NEDD4: variants seen among roughly 807,000 people sequenced by gnomAD.
NEDD4 encodes the protein NEDD4 E3 ubiquitin protein ligase.
Under a neutral mutation model 144.9 loss-of-function variants are expected in NEDD4, and 99 were observed. The ratio of observed to expected loss-of-function variants is 0.68; its 90% CI spans 0.58 to 0.81. NEDD4 has a LOEUF of 0.81. Among genes scored for constraint, NEDD4 ranks in the 30% least tolerant of loss-of-function variants. The probability of loss-of-function intolerance (pLI) is 0.00; values close to 1 mark genes in which losing one functional copy is unlikely to be tolerated. For synonymous variants in NEDD4, 318 were observed against 350.6 expected (o/e 0.91, Z 1.04); for missense variants, 985 against 1,065.9 (o/e 0.92, Z 1.06).
At chr15:55,920,517 A>G (rs2036550270) in intron 5 of NEDD4, among the ~76,000 whole-genome samples, 1 of 152,188 alleles carries the variant, frequency 6.6e-6, no homozygotes, top group Non-Finnish European at 1.5e-5. Flanking sequence ...TGAAACGACA[A>G]TATTTTATAA....
chr15:55,896,909 G>A (rs1294502748), intron 5 of NEDD4, among the ~76,000 whole-genome samples: 2 of 151,382 alleles, frequency 1.3e-5, no homozygotes, highest in African/African-American at 4.9e-5. Flanking sequence ...TATTAAACAT[G>A]ATAATTTATA....
intron 1 of NEDD4, among the ~76,000 whole-genome samples, chr15:55,971,128 T>G (rs1405193018): frequency 6.6e-6 from 1 of 152,112 alleles, no homozygotes; most frequent in Non-Finnish European, 1.5e-5. Context: ...CAAGCAGAAT[T>G]CTGAAGTTGA....
chr15:55,927,863 T>TA (rs1207717018), intron 4 of NEDD4, among the ~76,000 whole-genome samples: 1 of 152,196 alleles, frequency 6.6e-6, no homozygotes, highest in East Asian at 1.9e-4. Flanking sequence ...GAGACAGGGC[T>TA]ATAGAAACCA....
chr15:55,872,802 C>T (rs960540279), intron 6 of NEDD4, among the ~76,000 whole-genome samples: 1 of 151,892 alleles, frequency 6.6e-6, no homozygotes, highest in East Asian at 1.9e-4. Context: ...CACATGTCTG[C>T]AGGCTGGCTT....
At chr15:55,890,670 G>A (rs1270738448) in intron 5 of NEDD4, among the ~76,000 whole-genome samples, 2 of 152,140 alleles carry the variant, frequency 1.3e-5, no homozygotes, top group African/African-American at 4.8e-5. Context: ...ACGAACATAT[G>A]TTTTCATTTC....
intron 2 of NEDD4, among the ~76,000 whole-genome samples, chr15:55,959,052 C>G (rs184025817): frequency 4.6e-5 from 7 of 150,784 alleles, no homozygotes; most frequent in Admixed American, 1.3e-4. Context: ...TTTCTTCCCT[C>G]TACTTATTTT....
chr15:55,932,137 C>A (rs1334172390), intron 4 of NEDD4, among the ~76,000 whole-genome samples: 1 of 152,066 alleles, frequency 6.6e-6, no homozygotes, highest in Admixed American at 6.5e-5. Flanking sequence ...ATCATGGGGG[C>A]GGTTACCTGC....
At position 55,836,138 on chromosome 15, in the gene NEDD4, T is replaced by C. The variant is rs1350074288; in HGVS notation, c.2262+1651A>G. Among the ~76,000 whole-genome samples, 7 of 152,292 alleles carry C rather than the reference T, an allele frequency of 4.6e-5. No individual in the cohort carries two copies. The East Asian group carries it at 1.4e-3, about 29-fold the overall frequency. ...CTTCTCCATGGTTGGCCAATCCCTC[T>C]AGTCCTTCTTTGTCCCTTCCTTTGC... On this transcript the variant is annotated intron_variant, in intron 24 of 28. Coordinates refer to ENST00000435532, the MANE Select transcript of NEDD4 (RefSeq NM_006154.4).
intron 11 of NEDD4, among the ~76,000 whole-genome samples, chr15:55,860,045 C>T (rs1415633487): frequency 6.6e-6 from 1 of 152,182 alleles, no homozygotes; most frequent in Admixed American, 6.5e-5. Flanking sequence ...TCTTCAAAAT[C>T]ACCTAACAGG....
rs56285555 is a variant in NEDD4, at chr15:55,974,891, C to CTTTT, written c.46-8349_46-8346dup. On this transcript the variant is annotated intron_variant, in intron 1 of 28. Coordinates refer to ENST00000435532, the MANE Select transcript of NEDD4 (RefSeq NM_006154.4). ...TAAGGATGTCCATTTCTTTTCCTTT[C>CTTTT]TTTTTTTTTTTTTTTTTTTTTGAGA... 3.6e-3 allele frequency among the ~76,000 whole-genome samples: 269 copies of CTTTT among 75,676 alleles called. 11 individuals are homozygous for CTTTT. The highest frequency in any genetic ancestry group is 3.7e-3 in the East Asian group (9 of 2,402). The allele number at this position is 75,676 out of a possible 152,430, so 49.6% of individuals were successfully genotyped here.
intron 5 of NEDD4, among the ~76,000 whole-genome samples, chr15:55,898,716 A>C (rs766127640): frequency 6.6e-6 from 1 of 150,624 alleles, no homozygotes; most frequent in Non-Finnish European, 1.5e-5. Context: ...GCTCAATGCA[A>C]CTTGGACTCC....
Position 55,840,019 on chromosome 15 carries a change from T to A in NEDD4, c.2031+428A>T, listed in dbSNP as rs1220062745. Among the ~76,000 whole-genome samples, 244 of 45,360 alleles carry A rather than the reference T, an allele frequency of 5.4e-3. 2 individuals carry two copies. The highest frequency in any genetic ancestry group is 0.017 in the Middle Eastern group (1 of 58). 29.8% of individuals were successfully genotyped at this position (45,360 alleles called of 152,430 possible). ...AAAAAAATATATATATATATATATATATATATATATATATATATATATAAC... is the reference window on the plus strand; with the variant it reads ...AAAAAAATATATATATATATATATAAATATATATATATATATATATATAAC... On this transcript the variant is annotated intron_variant, in intron 21 of 28. Coordinates refer to ENST00000435532, the MANE Select transcript of NEDD4 (RefSeq NM_006154.4).
intron 5 of NEDD4, among the ~76,000 whole-genome samples, chr15:55,878,822 T>C (rs1468272216): frequency 1.3e-5 from 2 of 152,348 alleles, no homozygotes; most frequent in South Asian, 2.1e-4. Context: ...TTTTTTTGTT[T>C]GTTTGTTTTG....
chr15:55,972,146 G>A (rs1351595152), intron 1 of NEDD4, among the ~76,000 whole-genome samples: 3 of 152,122 alleles, frequency 2.0e-5, no homozygotes, highest in African/African-American at 7.2e-5. Context: ...CAGTCTAAAA[G>A]AAAAGGATAT....
chr15:55,848,041 C>T (rs1438261045), intron 17 of NEDD4, among the ~76,000 whole-genome samples: 11 of 152,174 alleles, frequency 7.2e-5, no homozygotes, highest in African/African-American at 2.7e-4. Flanking sequence ...CATCCGCATA[C>T]ACTCTCTGCT....
intron 2 of NEDD4, among the ~76,000 whole-genome samples, chr15:55,954,280 C>T (rs532851027): frequency 2.6e-5 from 4 of 152,272 alleles, no homozygotes; most frequent in Admixed American, 6.5e-5. Context: ...ACTGTTCCTT[C>T]GGTGGCTTAC....
intron 5 of NEDD4, among the ~76,000 whole-genome samples, chr15:55,878,572 T>C (rs2035073276): frequency 6.6e-6 from 1 of 152,186 alleles, no homozygotes; most frequent in Non-Finnish European, 1.5e-5. Flanking sequence ...AAGTTAAACA[T>C]ATACCAGTAT....
chr15:55,954,385 T>C (rs1595873096), intron 2 of NEDD4, among the ~76,000 whole-genome samples: 1 of 152,194 alleles, frequency 6.6e-6, no homozygotes, highest in African/African-American at 2.4e-5. Flanking sequence ...CTTTCCAGTC[T>C]TATCCATGGT....
At position 55,869,666 on chromosome 15, in the gene NEDD4, A is replaced by T; in HGVS notation, c.420T>A (p.Val140=). The T allele has an allele frequency of 6.4e-7, 1 of 1,553,460 alleles. No individual in the cohort carries two copies. Among genetic ancestry groups the T allele is most frequent in the Non-Finnish European group, 8.7e-7 (1 of 1,143,338 alleles). The change falls in exon 8 of 29, where the codon GTT becomes GTA. Residue 140 remains valine, a synonymous_variant. Transcript: ENST00000435532. ...VLHPRSHKSR[V]KGYLRLKMTY... Reference sequence around the variant, plus strand: ...TCATTTTTAGTCTCAGATAACCTTTAACTCTTGATTTGTGACTGTAGAAAA... The same window carrying T: ...TCATTTTTAGTCTCAGATAACCTTTTACTCTTGATTTGTGACTGTAGAAAA...
Sources: allele counts gnomAD v4.1 joint callset (sites outside exome capture counted in the v4.1 genomes callset), GRCh38; gene constraint gnomAD v4.1.1; transcripts MANE v1.5; gene names NCBI Gene and HGNC (gene_info 2026-07-23, HGNC 2026-07-21).